The following NCKAP5 variants were observed in gnomAD, a reference collection of about 807,000 sequenced individuals.
The protein encoded by NCKAP5 is nck-associated protein 5.
A neutral mutation model predicts 167.0 loss-of-function variants in NCKAP5; 92 were observed. That is an observed-to-expected ratio of 0.55 (90% confidence interval 0.47 to 0.66). The LOEUF (loss-of-function observed/expected upper bound fraction) is 0.66, where lower values mean the gene tolerates loss of function less well. NCKAP5 is among the 30% of genes least tolerant of loss of function. The pLI is 0.00. For missense variants in NCKAP5, 2,378 were observed against 2,315.0 expected, an observed-to-expected ratio of 1.03 and a Z score of -0.56; for synonymous variants, 891 against 877.4, an observed-to-expected ratio of 1.02 and a Z score of -0.27.
At chr2:133,316,196 C>T (rs371497861) in intron 3 of NCKAP5, among the ~76,000 whole-genome samples, 16 of 152,326 alleles carry the variant, frequency 1.1e-4, no homozygotes, top group East Asian at 5.8e-4. Flanking sequence ...ACTGCCACAA[C>T]CACCATGCAA....
intron 5 of NCKAP5, among the ~76,000 whole-genome samples, chr2:133,173,531 C>A (rs888590404): frequency 6.6e-6 from 1 of 152,148 alleles, no homozygotes; most frequent in Non-Finnish European, 1.5e-5. Flanking sequence ...TGTCTGATCA[C>A]CCTGGCCTGT....
chr2:133,285,766 G>A (rs528487614), intron 4 of NCKAP5, among the ~76,000 whole-genome samples: 2 of 152,134 alleles, frequency 1.3e-5, no homozygotes, highest in African/African-American at 4.8e-5. Flanking sequence ...AATTCACTTT[G>A]GCTGTGGCTG....
At chr2:133,143,830 TTA>T (rs1384105187) in intron 5 of NCKAP5, among the ~76,000 whole-genome samples, 2 of 151,806 alleles carry the variant, frequency 1.3e-5, no homozygotes, top group African/African-American at 4.8e-5. Context: ...TTTTTTAAGA[TTA>T]TGAGGCTAAG....
intron 6 of NCKAP5, among the ~76,000 whole-genome samples, chr2:133,126,249 C>A (rs1431406911): frequency 6.6e-6 from 1 of 152,210 alleles, no homozygotes; most frequent in Non-Finnish European, 1.5e-5. Flanking sequence ...CTGGGAATCC[C>A]ATAACTACTG....
At chr2:133,046,452 C>G (rs956664482) in intron 6 of NCKAP5, among the ~76,000 whole-genome samples, 1 of 152,078 alleles carries the variant, frequency 6.6e-6, no homozygotes, top group African/African-American at 2.4e-5. Context: ...GATCATGGCT[C>G]ACTACACCCT....
the NCKAP5 span, among the ~76,000 whole-genome samples, chr2:133,655,992 G>A: frequency 6.6e-6 from 1 of 152,284 alleles, no homozygotes; most frequent in African/African-American, 2.4e-5. Flanking sequence ...TCAATTGCTA[G>A]CTTTCCTCCA....
intron 3 of NCKAP5, among the ~76,000 whole-genome samples, chr2:133,314,095 A>G (rs1411052855): frequency 6.6e-6 from 1 of 152,096 alleles, no homozygotes; most frequent in East Asian, 1.9e-4. Context: ...ATCATTCAAA[A>G]TCTGGCCAGG....
At chr2:132,733,682 C>A (rs2105505097) in intron 16 of NCKAP5, among the ~76,000 whole-genome samples, 1 of 152,280 alleles carries the variant, frequency 6.6e-6, no homozygotes, top group African/African-American at 2.4e-5. Context: ...CTTTTCTATA[C>A]AATCTCACTT....
At chr2:133,217,920 T>C (rs1367072586) in intron 4 of NCKAP5, among the ~76,000 whole-genome samples, 1 of 152,080 alleles carries the variant, frequency 6.6e-6, no homozygotes, top group East Asian at 1.9e-4. Context: ...TTACGAAAAG[T>C]ACAACTTCCA....
intron 4 of NCKAP5, among the ~76,000 whole-genome samples, chr2:133,224,382 C>T (rs560638761): frequency 2.6e-4 from 39 of 152,300 alleles, no homozygotes; most frequent in African/African-American, 8.7e-4. Context: ...AGATTACAAA[C>T]GCCTTCGCTC....
At chr2:133,451,072 T>A (rs118162985) in intron 3 of NCKAP5, among the ~76,000 whole-genome samples, 1 of 152,310 alleles carries the variant, frequency 6.6e-6, no homozygotes, top group East Asian at 1.9e-4. Flanking sequence ...TGTAATCAAG[T>A]TAGGATGAAG....
At chr2:132,769,200 A>G (rs1001998555) in intron 16 of NCKAP5, among the ~76,000 whole-genome samples, 4 of 152,044 alleles carry the variant, frequency 2.6e-5, no homozygotes, top group Non-Finnish European at 5.9e-5. Context: ...CTGCTGCCTC[A>G]GCCTCCCAAA....
chr2:132,947,407 G>C (rs1035113038), intron 8 of NCKAP5, among the ~76,000 whole-genome samples: 1 of 152,042 alleles, frequency 6.6e-6, no homozygotes, highest in Non-Finnish European at 1.5e-5. Context: ...AGTCTATCCT[G>C]GGCTTTGTCA....
chr2:133,132,893 G>C (rs767052867), intron 5 of NCKAP5, among the ~76,000 whole-genome samples: 1 of 151,972 alleles, frequency 6.6e-6, no homozygotes, highest in South Asian at 2.1e-4. Context: ...AGCCAGGATG[G>C]TCTTGATCTC....
intron 3 of NCKAP5, among the ~76,000 whole-genome samples, chr2:133,513,959 T>C (rs1683738279): frequency 6.6e-6 from 1 of 152,184 alleles, no homozygotes; most frequent in Admixed American, 6.5e-5. Context: ...AACAGCTACA[T>C]GGGCAGCCCG....
chr2:133,526,711 C>T (rs960093187), intron 2 of NCKAP5, among the ~76,000 whole-genome samples: 2 of 152,186 alleles, frequency 1.3e-5, no homozygotes, highest in East Asian at 3.8e-4. Context: ...CACCACCACT[C>T]TTTCTTTCTT....
intron 5 of NCKAP5, among the ~76,000 whole-genome samples, chr2:133,149,407 C>T (rs1244149932): frequency 6.6e-6 from 1 of 152,054 alleles, no homozygotes; most frequent in East Asian, 1.9e-4. Flanking sequence ...TCTATGTTGG[C>T]TCCATACTTC....
At chr2:133,084,657 C>G (rs899573330) in intron 6 of NCKAP5, among the ~76,000 whole-genome samples, 4 of 152,158 alleles carry the variant, frequency 2.6e-5, no homozygotes, top group African/African-American at 9.7e-5. Context: ...AAAGTTCAGT[C>G]TCACCTCTGC....
At chr2:133,534,364 C>A (rs113557948) in intron 2 of NCKAP5, among the ~76,000 whole-genome samples, 19 of 152,178 alleles carry the variant, frequency 1.2e-4, no homozygotes, top group African/African-American at 4.1e-4. Flanking sequence ...AATATTGATC[C>A]ATTTAAAGTG....
Sources: gnomAD v4.1 joint callset for allele counts (sites outside exome capture counted in the v4.1 genomes callset) on GRCh38, gnomAD v4.1.1 for gene constraint, MANE v1.5 for transcripts, NCBI Gene and HGNC (gene_info 2026-07-23, HGNC 2026-07-21) for gene names.